The following PCDH12 variants were observed in gnomAD, a reference collection of about 807,000 sequenced individuals.
PCDH12 encodes the protein protocadherin-12.
A neutral mutation model predicts 70.9 loss-of-function variants in PCDH12; 45 were observed. The observed-to-expected ratio is 0.63, with a 90% CI of 0.50 to 0.81. The LOEUF is 0.81. Among genes scored for constraint, PCDH12 ranks in the 40% least tolerant of loss-of-function variants. PCDH12 has a pLI of 0.00. For missense variants in PCDH12, 1,370 were observed against 1,491.7 expected (o/e 0.92, Z 1.34); for synonymous variants, 567 against 626.0 (o/e 0.91, Z 1.41).
rs983354172 is a variant in PCDH12 at position 141,955,895 on chromosome 5, T to C, written c.1957A>G (p.Thr653Ala). ...EAHLFILNPH[T>A]GQLFVNVTNA... The stretch of plus-strand genomic sequence containing the variant: ...GTGACATTGACGAACAGCTGCCCCG[T>C]ATGAGGGTTGAGGATGAAGAGGTGG... Residue 653 changes from threonine to alanine, a missense_variant, in exon 1 of 4, where the codon ACG becomes GCG. Transcript: ENST00000231484. This position sits in a 1 kb window ranked among gnomAD's most constrained non-coding sequence, Gnocchi z 5.5. 3.1e-6 allele frequency: 5 copies of C among 1,613,954 alleles called. No homozygotes were observed. In the African/African-American group the frequency reaches 6.7e-5, roughly 22 times the overall value.
Position 141,956,613 on chromosome 5 carries a change from T to G in PCDH12, c.1239A>C (p.Leu413=), listed in dbSNP as rs1305854821. ...GCTCTCTGTCCAGTGTGGCATTGGT[T>G]AGCAACATGTATGTGTTGCCATTAG... The part of the protein sequence containing the change: ...KRTNGNTYML[L]TNATLDREQW... Residue 413 remains leucine (L), a synonymous_variant, in exon 1 of 4, where the codon CTA becomes CTC. Transcript: ENST00000231484. 17 of 1,614,080 alleles carry G rather than the reference T, an allele frequency of 1.1e-5. No homozygotes were observed. Among genetic ancestry groups the G allele is most frequent in the Non-Finnish European group, 1.4e-5 (16 of 1,180,042 alleles).
chr5:141,945,390 C>CCTG lies in PCDH12; in HGVS notation c.3543_3545dup (p.Ser1181dup), dbSNP rs5871792. On this transcript the variant is annotated inframe_insertion, in exon 4 of 4. Transcript: ENST00000231484. ...GGCGTCTGAGGTATGTTCACAGGCA[C>CCTG]CTGCTGCTGCTGCTGCTGCCTCTGC... 1.4e-4 allele frequency: 210 copies of CCTG among 1,551,020 alleles called. No homozygotes were observed. Among genetic ancestry groups the CCTG allele is most frequent in the Admixed American group, 2.9e-4 (17 of 57,726 alleles).
rs144214295 is a variant in PCDH12, at chr5:141,956,567, T to G, written c.1285A>C (p.Thr429Pro). ...AGTCCTTGGTCTTGGGCTAACAGAG[T>G]GAGGGTATATTTGGGCCACTGCTCT... The part of the protein sequence containing the change: ...DREQWPKYTL[T>P]LLAQDQGLQP... Residue 429 changes from threonine (T) to proline (P), a missense_variant, in exon 1 of 4, where the codon ACT becomes CCT. By Grantham distance (38) the Thr-to-Pro change is conservative (BLOSUM62 -1). Transcript: ENST00000231484. 5.0e-6 allele frequency: 8 copies of G among 1,614,002 alleles called. No individual in the cohort carries two copies. The highest frequency in any genetic ancestry group is 6.8e-6 in the Non-Finnish European group (8 of 1,180,014).
At chr5:141,953,488 T>C (rs1247943997) in intron 1 of PCDH12, 1 of 151,758 alleles carries the variant, frequency 6.6e-6, no homozygotes, top group Non-Finnish European at 1.5e-5. Context: ...TACACAGAAA[T>C]TAGTGGGAGG....
intron 3 of PCDH12, among the ~76,000 whole-genome samples, chr5:141,947,081 A>G (rs932576638): frequency 6.6e-6 from 1 of 152,174 alleles, no homozygotes; most frequent in African/African-American, 2.4e-5. Flanking sequence ...ATGTTTTTCT[A>G]TATTAACCAA....
intron 1 of PCDH12, chr5:141,952,713 C>T (rs796762825): frequency 5.3e-5 from 8 of 152,316 alleles, no homozygotes; most frequent in African/African-American, 1.9e-4. Flanking sequence ...CCTCAGTTTC[C>T]TCATCTCTAA....
chr5:141,950,529 A>G (rs952287753), intron 2 of PCDH12, among the ~76,000 whole-genome samples: 21 of 152,160 alleles, frequency 1.4e-4, no homozygotes, highest in Non-Finnish European at 1.6e-4. Context: ...TAATCAACCC[A>G]TTGTACAAAT....
chr5:141,945,835 G>A (rs1345237573), intron 3 of PCDH12, 30 bp from the exon 4 acceptor site: 6 of 1,593,248 alleles, frequency 3.8e-6, no homozygotes, highest in Non-Finnish European at 3.4e-6. Context: ...CACAGTGAGG[G>A]CCAGGCTCCG....
chr5:141,949,290 A>G, intron 3 of PCDH12, 142 bp downstream of exon 3: 1 of 1,472,606 alleles, frequency 6.8e-7, no homozygotes, highest in Non-Finnish European at 9.0e-7. Flanking sequence ...TGAGGCTGCA[A>G]GGGTGCAAGG....
At chr5:141,948,963 C>G (rs1176411354) in intron 3 of PCDH12, among the ~76,000 whole-genome samples, 2 of 151,744 alleles carry the variant, frequency 1.3e-5, no homozygotes, top group Non-Finnish European at 2.9e-5. Context: ...CCTCTAATGC[C>G]AGCACTTTGG....
chr5:141,949,441 G>C lies in PCDH12; in HGVS notation c.3121C>G (p.Pro1041Ala), dbSNP rs753830985. The C allele has an allele frequency of 1.2e-6, 2 of 1,613,280 alleles. No homozygotes were observed. The highest frequency in any genetic ancestry group is 1.7e-6 in the Non-Finnish European group (2 of 1,179,558). The change falls in exon 3 of 4, where the codon CCC becomes GCC. Residue 1041 changes from proline (P) to alanine (A), a missense_variant. Coordinates refer to ENST00000231484, the MANE Select transcript of PCDH12 (RefSeq NM_016580.4). ...LEEELSSLLD[P>A]STGLALDRLS... ...TCCAGGGGGTCCCTACCTGTGCTGG[G>C]GTCCAGCAGACTTGACAGCTCTTCT...
Position 141,956,907 on chromosome 5 carries a change from G to A in PCDH12, c.945C>T (p.Asn315=). 1 of 1,614,188 alleles carries A rather than the reference G, an allele frequency of 6.2e-7. No individual in the cohort carries two copies. Among genetic ancestry groups the A allele is most frequent in the Non-Finnish European group, 8.5e-7 (1 of 1,180,034 alleles). The change falls in exon 1 of 4, where the codon AAC becomes AAT. Residue 315 remains asparagine, a synonymous_variant. Coordinates refer to ENST00000231484, the MANE Select transcript of PCDH12 (RefSeq NM_016580.4). ...CCTGAACATCCACCTCGTAGGCAGG[G>A]TTCTTTTCATAGTCTAGAGGTCGAC... is the stretch of plus-strand genomic sequence containing the variant. ...ILRRPLDYEK[N]PAYEVDVQAR... is the part of the protein sequence containing the mutation.
rs1232552964 is a variant in PCDH12, at chr5:141,944,240, CAG to C, written c.*1139_*1140del. 1 of 152,222 alleles carries C rather than the reference CAG, an allele frequency of 6.6e-6. No individual in the cohort carries two copies. The highest frequency in any genetic ancestry group is 6.5e-5 in the Admixed American group (1 of 15,280). The allele number at this position is 152,222 out of a possible 1,614,324, so 9.4% of individuals were successfully genotyped here. ...ATTCACAAGCCTGAACCTGCAATGACAGAGGAAGGTTTACCCGCAAATGGGGT... is the reference window on the plus strand; with the variant it reads ...ATTCACAAGCCTGAACCTGCAATGACAGGAAGGTTTACCCGCAAATGGGGT... On this transcript the variant is annotated 3_prime_UTR_variant, in exon 4 of 4. Coordinates refer to ENST00000231484, the MANE Select transcript of PCDH12 (RefSeq NM_016580.4).
In PCDH12 at chr5:141,956,417, G is replaced by A. The variant is rs1753185377; in HGVS notation, c.1435C>T (p.Leu479Phe). 6.2e-7 allele frequency: 1 copy of A among 1,614,110 alleles called. No individual in the cohort carries two copies. The highest frequency in any genetic ancestry group is 8.5e-7 in the Non-Finnish European group (1 of 1,180,056). The change falls in exon 1 of 4, where the codon CTC becomes TTC. Residue 479 changes from leucine (L) to phenylalanine (F), a missense_variant. Transcript: ENST00000231484. ...TRENNLPSLH[L>F]ITIKAHDADL... ...GCATCATGAGCCTTGATGGTAATGA[G>A]GTGAAGAGAGGGTAAGTTGTTTTCC...
At chr5:141,952,403 G>A (rs1753102459) in intron 1 of PCDH12, 1 of 152,234 alleles carries the variant, frequency 6.6e-6, no homozygotes. Context: ...CACATGCCAG[G>A]CACCTCTGCT....
chr5:141,949,320 G>A, intron 3 of PCDH12, 112 bp downstream of exon 3: 1 of 1,489,594 alleles, frequency 6.7e-7, no homozygotes, highest in Non-Finnish European at 8.9e-7. Context: ...TGTTGCTGAT[G>A]TTCCTCCACA....
Position 141,957,181 on chromosome 5 carries a change from T to C in PCDH12, c.671A>G (p.Lys224Arg), listed in dbSNP as rs1230139776. 5 of 1,614,046 alleles carry C rather than the reference T, an allele frequency of 3.1e-6. No individual in the cohort carries two copies. Among genetic ancestry groups the C allele is most frequent in the Admixed American group, 3.3e-5 (2 of 60,002 alleles). The change falls in exon 1 of 4, where the codon AAG becomes AGG. Residue 224 changes from lysine (K) to arginine (R), a missense_variant. Transcript: ENST00000231484. The surrounding 1 kb of genome is among the most constrained non-coding windows in gnomAD (Gnocchi z 4.3). ...GACCTTGACCAAGCTGGTACCTGAC[T>C]TGGGGGGGTTCCCATTGTCATAGGC... ...LTAYDNGNPP[K>R]SGTSLVKVNV...
In PCDH12 at chr5:141,955,499, C is replaced by T; in HGVS notation, c.2353G>A (p.Ala785Thr). The part of the protein sequence containing the change: ...IHLVPVLRGQ[A>T]GEPCEVGQSH... ...TGCCCGACTTCACAAGGCTCACCTG[C>T]CTGACCCCTGAGCACAGGCACGAGG... Residue 785 changes from alanine (A) to threonine (T), a missense_variant, in exon 1 of 4, where the codon GCA becomes ACA. Coordinates refer to ENST00000231484, the MANE Select transcript of PCDH12 (RefSeq NM_016580.4). This position sits in a 1 kb window ranked among gnomAD's most constrained non-coding sequence, Gnocchi z 5.5. The T allele has an allele frequency of 6.2e-7, 1 of 1,614,162 alleles. No homozygotes were observed. Among genetic ancestry groups the T allele is most frequent in the East Asian group, 2.2e-5 (1 of 44,876 alleles).
At chr5:141,947,978 C>T (rs906005857) in intron 3 of PCDH12, among the ~76,000 whole-genome samples, 5 of 152,220 alleles carry the variant, frequency 3.3e-5, no homozygotes, top group African/African-American at 7.2e-5. Flanking sequence ...AAAGCTATAT[C>T]CCCCAGCCAT....
Sources: allele counts gnomAD v4.1 joint callset (sites outside exome capture counted in the v4.1 genomes callset), GRCh38; gene constraint gnomAD v4.1.1; non-coding constraint Gnocchi (gnomAD v3.1); transcripts MANE v1.5; gene names NCBI Gene and HGNC (gene_info 2026-07-23, HGNC 2026-07-21).